Variants in RBFOX1 observed in about 807,000 individuals in gnomAD.
The protein encoded by RBFOX1 is RNA binding protein fox-1 homolog 1.
Under a neutral mutation model 57.7 loss-of-function variants are expected in RBFOX1, and 8 were observed. The observed-to-expected ratio is 0.14, with a 90% CI of 0.08 to 0.25. The LOEUF (loss-of-function observed/expected upper bound fraction) is 0.25, where lower values mean the gene tolerates loss of function less well. Ranked by LOEUF, RBFOX1 falls within the 10% of genes least tolerant of loss-of-function variation. The pLI, the probability that RBFOX1 is intolerant of heterozygous loss-of-function variation, is 1.00. For synonymous variants in RBFOX1, 326 were observed against 222.4 expected (o/e 1.47, Z -4.15); for missense variants, 611 against 548.5 (o/e 1.11, Z -1.14).
chr16:7,701,310 G>C (rs374898425), intron 14 of RBFOX1, among the ~76,000 whole-genome samples: 1 of 152,094 alleles, frequency 6.6e-6, no homozygotes, highest in African/African-American at 2.4e-5. Context: ...TGAGCGGGGT[G>C]GGGGGTGAGC....
chr16:6,217,627 C>G lies in RBFOX1; in HGVS notation c.-126-99368C>G, dbSNP rs375013426. Among the ~76,000 whole-genome samples the G allele has an allele frequency of 4.6e-5, 7 of 152,336 alleles. 1 individual carries two copies. Among genetic ancestry groups the G allele is most frequent in the African/African-American group, 1.4e-4 (6 of 41,586 alleles). ...CGTGGTGCATCACTTTGCATGTTGA[C>G]GGGCTGAGTAACCTGCTTGTCTCTT... On this transcript the variant is annotated intron_variant, in intron 1 of 15. Transcript: ENST00000550418.
intron 3 of RBFOX1, among the ~76,000 whole-genome samples, chr16:6,761,865 C>G (rs367852604): frequency 1.3e-5 from 2 of 152,018 alleles, no homozygotes; most frequent in South Asian, 4.2e-4. Flanking sequence ...AACTACATCT[C>G]TCATTCCAAG....
chr16:7,248,090 C>T (rs2094375505), intron 4 of RBFOX1, among the ~76,000 whole-genome samples: 1 of 152,138 alleles, frequency 6.6e-6, no homozygotes. Flanking sequence ...GGAAGAATAA[C>T]CGCTGATTTT....
chr16:7,679,570 A>G (rs933813381), intron 14 of RBFOX1, among the ~76,000 whole-genome samples: 3 of 152,226 alleles, frequency 2.0e-5, no homozygotes, highest in African/African-American at 7.2e-5. Context: ...TCTTGAAAGC[A>G]AAAGAAGTTT....
chr16:7,259,855 A>C (rs1272114548), intron 4 of RBFOX1, among the ~76,000 whole-genome samples: 1 of 152,162 alleles, frequency 6.6e-6, no homozygotes, highest in Non-Finnish European at 1.5e-5. Flanking sequence ...AATCTAGTAT[A>C]CCTGGTGTAT....
chr16:7,500,242 G>C (rs1019142974), intron 4 of RBFOX1, among the ~76,000 whole-genome samples: 2 of 152,210 alleles, frequency 1.3e-5, no homozygotes, highest in Admixed American at 6.5e-5. Context: ...GAAAGAGTCA[G>C]TTACTGATCT....
At chr16:5,845,990 T>C (rs1243408027) in intron 3 of RBFOX1, among the ~76,000 whole-genome samples, 1 of 152,064 alleles carries the variant, frequency 6.6e-6, no homozygotes, top group Non-Finnish European at 1.5e-5. Flanking sequence ...TTGGCCAAGA[T>C]GGTGAAACCC....
chr16:5,953,717 T>C (rs2059567305), intron 4 of RBFOX1, among the ~76,000 whole-genome samples: 2 of 140,054 alleles, frequency 1.4e-5, no homozygotes, highest in South Asian at 2.1e-4. Context: ...TATATATATA[T>C]ATATATATAA....
chr16:7,017,333 A>G (rs751218709), intron 3 of RBFOX1, among the ~76,000 whole-genome samples: 6 of 152,192 alleles, frequency 3.9e-5, no homozygotes, highest in East Asian at 3.9e-4. Context: ...GCACCTTTCT[A>G]TCTTGGCGGG....
At chr16:7,208,277 G>A (rs1412963423) in intron 4 of RBFOX1, among the ~76,000 whole-genome samples, 2 of 152,188 alleles carry the variant, frequency 1.3e-5, no homozygotes, top group Non-Finnish European at 2.9e-5. Context: ...GCCTCACAAT[G>A]TGACTGTATT....
intron 4 of RBFOX1, among the ~76,000 whole-genome samples, chr16:7,163,419 G>A (rs1189802665): frequency 1.3e-5 from 2 of 152,028 alleles, no homozygotes; most frequent in Non-Finnish European, 2.9e-5. Flanking sequence ...TGTATGAAGC[G>A]GCTGGTCTGG....
intron 2 of RBFOX1, among the ~76,000 whole-genome samples, chr16:6,422,934 T>C (rs780747230): frequency 2.0e-5 from 3 of 152,222 alleles, no homozygotes; most frequent in Non-Finnish European, 2.9e-5. Context: ...GTTCCTAGGT[T>C]AATTCACTTA....
chr16:6,156,780 G>A (rs909006412), intron 1 of RBFOX1, among the ~76,000 whole-genome samples: 1 of 152,242 alleles, frequency 6.6e-6, no homozygotes, highest in Non-Finnish European at 1.5e-5. Context: ...TGTGTTACTC[G>A]TAACTGGGCA....
chr16:6,015,875 G>A (rs750294516), upstream of RBFOX1, among the ~76,000 whole-genome samples: 1 of 152,190 alleles, frequency 6.6e-6, no homozygotes, highest in Non-Finnish European at 1.5e-5. Flanking sequence ...TATGCTATTG[G>A]ACTGTACGCT....
chr16:5,943,334 A>T lies in RBFOX1; in HGVS notation c.351+75999A>T, dbSNP rs371236194. ...ATCTCCAGTTGATTCTGCACATTAG[A>T]ATTTGAGAATCATGGGGCTAAACCG... is the stretch of plus-strand genomic sequence containing the variant. On this transcript the variant is annotated intron_variant, in intron 4 of 19. Transcript: ENST00000641259. Among the ~76,000 whole-genome samples, 40 of 152,276 alleles carry T rather than the reference A, an allele frequency of 2.6e-4. No individual in the cohort carries two copies. The East Asian group carries it at 3.7e-3, about 14-fold the overall frequency.
chr16:7,349,166 A>G (rs1026914963), intron 4 of RBFOX1, among the ~76,000 whole-genome samples: 4 of 152,180 alleles, frequency 2.6e-5, no homozygotes, highest in African/African-American at 2.4e-5. Flanking sequence ...ACTGAAGTTC[A>G]TGCTCATTTT....
At chr16:5,294,714 G>A (rs779783290) in intron 1 of RBFOX1, among the ~76,000 whole-genome samples, 64 of 152,102 alleles carry the variant, frequency 4.2e-4, no homozygotes, top group Admixed American at 8.5e-4. Flanking sequence ...GCTGACCACT[G>A]GGGTGTTGCA....
intron 5 of RBFOX1, among the ~76,000 whole-genome samples, chr16:7,534,433 C>T (rs1020804246): frequency 6.6e-6 from 1 of 151,918 alleles, no homozygotes; most frequent in African/African-American, 2.4e-5. Flanking sequence ...CACAATAGAG[C>T]CAATGATTAA....
Position 5,708,173 on chromosome 16 carries a change from C to T in RBFOX1, c.318+109212C>T, listed in dbSNP as rs539849485. ...GGAACTGGATGAATACAGAGAGAAA[C>T]ACGTTATCTCATGAACTTGAACTTG... On this transcript the variant is annotated intron_variant, in intron 3 of 19. Coordinates refer to the RBFOX1 transcript ENST00000641259. Among the ~76,000 whole-genome samples the T allele has an allele frequency of 6.6e-5, 10 of 152,258 alleles. No individual in the cohort carries two copies. In the South Asian group the frequency reaches 2.1e-3, roughly 32 times the overall value.
Sources: allele counts gnomAD v4.1 joint callset (sites outside exome capture counted in the v4.1 genomes callset), GRCh38; gene constraint gnomAD v4.1.1; transcripts MANE v1.5; gene names NCBI Gene and HGNC (gene_info 2026-07-23, HGNC 2026-07-21).